ANKRD30BL: variants seen among roughly 807,000 people sequenced by gnomAD.
The protein encoded by ANKRD30BL is putative ankyrin repeat domain-containing protein 30B-like.
Under a neutral mutation model 18.4 loss-of-function variants are expected in ANKRD30BL, and 20 were observed. That is an observed-to-expected ratio of 1.09 (90% confidence interval 0.77 to 1.58). The LOEUF is 1.58. Ranked by LOEUF, ANKRD30BL falls within the 40% of genes most tolerant of loss-of-function variation. The pLI is 0.00. For synonymous variants in ANKRD30BL, 72 were observed against 100.9 expected, an observed-to-expected ratio of 0.71 and a Z score of 1.72; for missense variants, 224 against 268.6, an observed-to-expected ratio of 0.83 and a Z score of 1.16.
At chr2:132,231,476 G>A (rs564897355) in intron 1 of ANKRD30BL, among the ~76,000 whole-genome samples, 1 of 152,182 alleles carries the variant, frequency 6.6e-6, no homozygotes, top group African/African-American at 2.4e-5. Context: ...AGGTCAGTGG[G>A]TGCACGCACC....
intron 1 of ANKRD30BL, among the ~76,000 whole-genome samples, chr2:132,224,728 T>C (rs1045899004): frequency 2.0e-5 from 3 of 152,010 alleles, no homozygotes; most frequent in South Asian, 2.1e-4. Flanking sequence ...TTCCTTTTCA[T>C]AGATCACTTT....
Position 132,157,439 on chromosome 2 carries a change from G to A in ANKRD30BL, c.219-16C>T, listed in dbSNP as rs781448215. The A allele has an allele frequency of 4.0e-5, 25 of 625,312 alleles. No homozygotes were observed. In the African/African-American group the frequency reaches 4.0e-4, roughly 10 times the overall value. 38.7% of individuals were successfully genotyped at this position (625,312 alleles called of 1,614,324 possible). On this transcript the variant is annotated splice_polypyrimidine_tract_variant and intron_variant, in intron 1 of 5. Coordinates refer to ENST00000409867, the MANE Select transcript of ANKRD30BL (RefSeq NM_001358416.1). ...TAGAGCAGTCCTACAAGAATGAGAG[G>A]CCTTTTAAGGAAAGTTTAGTCCACT...
At chr2:132,250,620 G>A (rs1245162494) in intron 1 of ANKRD30BL, among the ~76,000 whole-genome samples, 1 of 152,220 alleles carries the variant, frequency 6.6e-6, no homozygotes, top group East Asian at 1.9e-4. Context: ...TGCCTAAGGT[G>A]ATTCTGCAGC....
At chr2:132,252,781 A>G (rs935012579) in intron 1 of ANKRD30BL, among the ~76,000 whole-genome samples, 3 of 147,786 alleles carry the variant, frequency 2.0e-5, no homozygotes, top group African/African-American at 7.6e-5. Flanking sequence ...GGGACCTTCC[A>G]CCCCGCCAGG....
At chr2:132,242,935 A>G (rs1450553637) in intron 1 of ANKRD30BL, among the ~76,000 whole-genome samples, 2 of 151,810 alleles carry the variant, frequency 1.3e-5, no homozygotes, top group Non-Finnish European at 2.9e-5. Flanking sequence ...TGATGTGTGT[A>G]CTCAACTCGC....
At chr2:132,209,814 T>G (rs1351658482) in intron 1 of ANKRD30BL, among the ~76,000 whole-genome samples, 1 of 151,748 alleles carries the variant, frequency 6.6e-6, no homozygotes, top group Admixed American at 6.6e-5. Context: ...TGCAAGTGGA[T>G]ATTTGGAGCG....
chr2:132,203,673 G>A lies in ANKRD30BL; in HGVS notation n.442-46527C>T, dbSNP rs181599111. Among the ~76,000 whole-genome samples the A allele has an allele frequency of 4.7e-3, 716 of 151,480 alleles. 3 individuals carry two copies. The highest frequency in any genetic ancestry group is 7.6e-3 in the Non-Finnish European group (519 of 67,846). ...GGATATTAGTGTGATGACATACTTG[G>A]GATAATTTTAAAATCATTATTTTAA... On this transcript the variant is annotated intron_variant and non_coding_transcript_variant, in intron 1 of 4. Coordinates refer to the ANKRD30BL transcript ENST00000470729.
chr2:132,176,685 G>A (rs1363053115), intron 1 of ANKRD30BL, among the ~76,000 whole-genome samples: 1 of 152,180 alleles, frequency 6.6e-6, no homozygotes, highest in Non-Finnish European at 1.5e-5. Context: ...CAGATACTCG[G>A]GAGGCTGAGG....
intron 1 of ANKRD30BL, among the ~76,000 whole-genome samples, chr2:132,196,116 T>A (rs1450649164): frequency 7.0e-6 from 1 of 143,138 alleles, no homozygotes; most frequent in East Asian, 2.0e-4. Context: ...CACGCCAGCC[T>A]GGGCGACAGA....
chr2:132,232,546 C>T (rs1471342795), intron 1 of ANKRD30BL, among the ~76,000 whole-genome samples: 1 of 151,976 alleles, frequency 6.6e-6, no homozygotes, highest in Non-Finnish European at 1.5e-5. Flanking sequence ...ATGCAGAAGC[C>T]TCAGGAGCTG....
chr2:132,209,237 C>T (rs532208362), intron 1 of ANKRD30BL, among the ~76,000 whole-genome samples: 61 of 152,128 alleles, frequency 4.0e-4, no homozygotes, highest in Admixed American at 1.1e-3. Flanking sequence ...GTGAATTCAA[C>T]TCACAGAGTT....
chr2:132,195,868 G>A (rs1380131784), intron 1 of ANKRD30BL, among the ~76,000 whole-genome samples: 2 of 150,970 alleles, frequency 1.3e-5, no homozygotes, highest in African/African-American at 4.9e-5. Flanking sequence ...GACGTCGAGT[G>A]TGGTGGCTCA....
chr2:132,152,170 C>T (rs946325673), intron 4 of ANKRD30BL: 1 of 152,118 alleles, frequency 6.6e-6, no homozygotes, highest in Admixed American at 6.5e-5. Flanking sequence ...TGGGTGTCAC[C>T]CATTTTGCTT....
intron 1 of ANKRD30BL, among the ~76,000 whole-genome samples, chr2:132,254,092 G>A (rs372929804): frequency 1.3e-5 from 2 of 150,202 alleles, no homozygotes; most frequent in African/African-American, 2.5e-5. Flanking sequence ...GGGGGCCACA[G>A]CAGGGGACTG....
At chr2:132,192,475 G>A (rs1678880430) in intron 1 of ANKRD30BL, among the ~76,000 whole-genome samples, 2 of 152,214 alleles carry the variant, frequency 1.3e-5, no homozygotes, top group African/African-American at 4.8e-5. Context: ...GAGATGCTGT[G>A]CTTGATAAGT....
chr2:132,225,693 C>T (rs1226220321), intron 1 of ANKRD30BL, among the ~76,000 whole-genome samples: 7 of 151,206 alleles, frequency 4.6e-5, no homozygotes, highest in Admixed American at 6.6e-5. Context: ...AAGTTTTTTC[C>T]GAAACTTCTT....
chr2:132,191,981 T>A (rs1678862229), intron 1 of ANKRD30BL, among the ~76,000 whole-genome samples: 1 of 152,134 alleles, frequency 6.6e-6, no homozygotes, highest in Non-Finnish European at 1.5e-5. Flanking sequence ...CCTGACCTTG[T>A]GATTCACCCA....
chr2:132,205,220 G>T (rs913340077), intron 1 of ANKRD30BL, among the ~76,000 whole-genome samples: 1 of 152,044 alleles, frequency 6.6e-6, no homozygotes, highest in African/African-American at 2.4e-5. Flanking sequence ...TTGTCAATCA[G>T]GGAAACATTG....
At chr2:132,230,036 C>T (rs1179213608) in intron 1 of ANKRD30BL, among the ~76,000 whole-genome samples, 2 of 151,996 alleles carry the variant, frequency 1.3e-5, no homozygotes, top group Admixed American at 1.3e-4. Context: ...AGCGTTGAAA[C>T]TTTCTTTTGA....
Sources: allele counts gnomAD v4.1 joint callset (sites outside exome capture counted in the v4.1 genomes callset), GRCh38; gene constraint gnomAD v4.1.1; transcripts MANE v1.5; gene names NCBI Gene and HGNC (gene_info 2026-07-23, HGNC 2026-07-21).